C8orf34: variants seen among roughly 807,000 people sequenced by gnomAD.
The protein encoded by C8orf34 is uncharacterized protein C8orf34.
C8orf34 carries 65 observed loss-of-function variants against 68.3 expected under a neutral mutation model. The observed-to-expected ratio is 0.95, with a 90% CI of 0.78 to 1.17. The LOEUF (loss-of-function observed/expected upper bound fraction) is 1.17. Among genes scored for constraint, C8orf34 ranks in the 50% most tolerant of loss-of-function variants. The pLI is 0.00. For synonymous variants in C8orf34, 244 were observed against 241.2 expected, an observed-to-expected ratio of 1.01 and a Z score of -0.11; for missense variants, 664 against 655.4, an observed-to-expected ratio of 1.01 and a Z score of -0.14.
At chr8:68,486,699 C>T (rs1813093785) in intron 4 of C8orf34, among the ~76,000 whole-genome samples, 1 of 151,984 alleles carries the variant, frequency 6.6e-6, no homozygotes, top group African/African-American at 2.4e-5. Flanking sequence ...ACATCTATAC[C>T]CGAGGCAGGC....
In C8orf34 at chr8:68,436,739, CT is replaced by C. The variant is rs567610902; in HGVS notation, c.328-2757del. Among the ~76,000 whole-genome samples, 3 of 152,244 alleles carry C rather than the reference CT, an allele frequency of 2.0e-5. No individual in the cohort carries two copies. In the South Asian group the frequency reaches 6.2e-4, roughly 32 times the overall value. On this transcript the variant is annotated intron_variant, in intron 1 of 13. Coordinates refer to ENST00000518698, the MANE Select transcript of C8orf34 (RefSeq NM_052958.4). ...CCTATGGTGAATGATTCCTGTAAAA[CT>C]TTCTGCAATTGATTTCTACTCCAAA... is the stretch of plus-strand genomic sequence containing the variant.
At chr8:68,538,593 G>T (rs1220310373) in intron 7 of C8orf34, among the ~76,000 whole-genome samples, 1 of 150,100 alleles carries the variant, frequency 6.7e-6, no homozygotes, top group Non-Finnish European at 1.5e-5. Flanking sequence ...GTATGCTACA[G>T]ACAAAGGAAA....
At chr8:68,722,903 A>G (rs1369964063) in intron 10 of C8orf34, among the ~76,000 whole-genome samples, 2 of 152,004 alleles carry the variant, frequency 1.3e-5, no homozygotes, top group African/African-American at 4.8e-5. Context: ...AATAGAAAAA[A>G]CCATGGTAAC....
chr8:68,776,326 C>A, intron 10 of C8orf34, 73 bp from the exon 11 acceptor site: 1 of 1,149,990 alleles, frequency 8.7e-7, no homozygotes, highest in Non-Finnish European at 1.3e-6. Context: ...TCAGATCCCA[C>A]TCTCCACGAT....
At chr8:68,512,360 A>G (rs1461341877) in intron 5 of C8orf34, among the ~76,000 whole-genome samples, 1 of 152,200 alleles carries the variant, frequency 6.6e-6, no homozygotes, top group African/African-American at 2.4e-5. Context: ...GTGTACCTAA[A>G]CATGTTAAAT....
At chr8:68,813,477 T>G (rs765284053) in intron 12 of C8orf34, among the ~76,000 whole-genome samples, 7 of 152,198 alleles carry the variant, frequency 4.6e-5, no homozygotes, top group African/African-American at 7.2e-5. Context: ...TTTCCAGATC[T>G]TTGCACCATG....
chr8:68,747,718 G>T (rs1264961732), intron 10 of C8orf34, among the ~76,000 whole-genome samples: 3 of 151,924 alleles, frequency 2.0e-5, no homozygotes, highest in Non-Finnish European at 4.4e-5. Context: ...GCAAACCACT[G>T]CTCAAGGAAA....
rs373351920 is a variant in C8orf34 at position 68,636,603 on chromosome 8, G to A, written c.1106-3773G>A. ...CTGTCTCAATAAAAAATAAATGATTGTCTGCATGTATATTCAATCTCCCTT... is the reference window on the plus strand; with the variant it reads ...CTGTCTCAATAAAAAATAAATGATTATCTGCATGTATATTCAATCTCCCTT... On this transcript the variant is annotated intron_variant, in intron 7 of 13. Coordinates refer to ENST00000518698, the MANE Select transcript of C8orf34 (RefSeq NM_052958.4). Among the ~76,000 whole-genome samples, 20 of 151,866 alleles carry A rather than the reference G, an allele frequency of 1.3e-4. No homozygotes were observed. In the East Asian group the frequency reaches 3.1e-3, roughly 24 times the overall value.
chr8:68,597,438 A>G (rs1157262949), intron 7 of C8orf34, among the ~76,000 whole-genome samples: 6 of 152,114 alleles, frequency 3.9e-5, no homozygotes, highest in African/African-American at 1.4e-4. Context: ...GTGTTTTTTT[A>G]GAAAAGTGTT....
chr8:68,760,211 TGGG>T (rs930257773), intron 10 of C8orf34, among the ~76,000 whole-genome samples: 1 of 152,088 alleles, frequency 6.6e-6, no homozygotes, highest in East Asian at 1.9e-4. Flanking sequence ...AATTAGGTGA[TGGG>T]GGGCCGTGAT....
chr8:68,436,173 A>C (rs1420374713), intron 1 of C8orf34, among the ~76,000 whole-genome samples: 2 of 152,046 alleles, frequency 1.3e-5, no homozygotes, highest in Non-Finnish European at 2.9e-5. Flanking sequence ...GTGCCACTGC[A>C]CTCTATCCTC....
At chr8:68,530,364 C>A (rs1010440245) in intron 6 of C8orf34, among the ~76,000 whole-genome samples, 2 of 151,906 alleles carry the variant, frequency 1.3e-5, no homozygotes, top group Non-Finnish European at 2.9e-5. Context: ...TATCTATATC[C>A]CTTCTAGTAG....
chr8:68,776,362 C>T (rs1484917602), intron 10 of C8orf34, 37 bp from the exon 11 acceptor site: 4 of 1,532,702 alleles, frequency 2.6e-6, no homozygotes, highest in Non-Finnish European at 3.6e-6. Flanking sequence ...CTCTCCTTCT[C>T]CTGACCTTTT....
chr8:68,553,243 G>A (rs1816135009), intron 7 of C8orf34, among the ~76,000 whole-genome samples: 1 of 151,794 alleles, frequency 6.6e-6, no homozygotes, highest in African/African-American at 2.4e-5. Context: ...CAATTAGCCG[G>A]GCATGGTGGC....
intron 1 of C8orf34, among the ~76,000 whole-genome samples, chr8:68,426,741 C>G (rs1178323959): frequency 2.6e-5 from 4 of 151,590 alleles, no homozygotes; most frequent in Non-Finnish European, 5.9e-5. Context: ...TGGTGGTGGG[C>G]ACCTGCAATC....
intron 7 of C8orf34, among the ~76,000 whole-genome samples, chr8:68,556,381 T>G (rs890393996): frequency 2.0e-5 from 3 of 150,356 alleles, no homozygotes; most frequent in Non-Finnish European, 4.4e-5. Flanking sequence ...ATACTAAAAC[T>G]ACTATGAATT....
chr8:68,626,017 CAATATT>C (rs1295769794), intron 7 of C8orf34, among the ~76,000 whole-genome samples: 6 of 152,084 alleles, frequency 3.9e-5, no homozygotes, highest in Non-Finnish European at 8.8e-5. Flanking sequence ...TTGAAAATCT[CAATATT>C]AATAACACAA....
intron 1 of C8orf34, among the ~76,000 whole-genome samples, chr8:68,338,169 A>C (rs1305037590): frequency 6.6e-6 from 1 of 152,182 alleles, no homozygotes. Context: ...CATATGGCAG[A>C]AGGCAGAAGG....
At chr8:68,443,464 G>A (rs927998431) in intron 2 of C8orf34, among the ~76,000 whole-genome samples, 27 of 151,878 alleles carry the variant, frequency 1.8e-4, no homozygotes, top group African/African-American at 6.3e-4. Context: ...GCATGATCTC[G>A]GCTCACTGCA....
Sources: gnomAD v4.1 joint callset for allele counts (sites outside exome capture counted in the v4.1 genomes callset) on GRCh38, gnomAD v4.1.1 for gene constraint, MANE v1.5 for transcripts, NCBI Gene and HGNC (gene_info 2026-07-23, HGNC 2026-07-21) for gene names.